Variants in CAMK4 observed in about 807,000 individuals in gnomAD.
CAMK4 encodes calcium/calmodulin-dependent protein kinase type IV.
Under a neutral mutation model 44.9 loss-of-function variants are expected in CAMK4, and 22 were observed. That is an observed-to-expected ratio of 0.49 (90% CI 0.35 to 0.70). The LOEUF (loss-of-function observed/expected upper bound fraction) is 0.70, where lower values mean the gene tolerates loss of function less well. Among genes scored for constraint, CAMK4 ranks in the 30% least tolerant of loss-of-function variants. The pLI, the probability that CAMK4 is intolerant of heterozygous loss-of-function variation, is 0.01. For synonymous variants in CAMK4, 218 were observed against 215.4 expected, an observed-to-expected ratio of 1.01 and a Z score of -0.11; for missense variants, 498 against 586.8, an observed-to-expected ratio of 0.85 and a Z score of 1.56.
chr5:111,338,411 G>T (rs1037030275), intron 1 of CAMK4, among the ~76,000 whole-genome samples: 2 of 151,228 alleles, frequency 1.3e-5, no homozygotes, highest in African/African-American at 4.8e-5. Context: ...GTTGTAGGTT[G>T]TCTGTTAACT....
rs1755668775 is a variant in CAMK4 at position 111,487,407 on chromosome 5, CTG to C, written c.*2943_*2944del. ...TTGGAATCCAGTATTTTTTCTCAAA[CTG>C]TAATTTCACTTGTCCCAGGACACAT... On this transcript the variant is annotated 3_prime_UTR_variant, in exon 11 of 11. Transcript: ENST00000282356. 1 of 152,042 alleles carries C rather than the reference CTG, an allele frequency of 6.6e-6. No individual in the cohort carries two copies. The highest frequency in any genetic ancestry group is 6.6e-5 in the Admixed American group (1 of 15,254). The allele number at this position is 152,042 out of a possible 1,614,324, so 9.4% of individuals were successfully genotyped here. A position where few individuals can be genotyped will look rare whatever the true frequency, so the allele number is the denominator to read the frequency against.
chr5:111,288,600 T>C (rs1751326400), intron 1 of CAMK4, among the ~76,000 whole-genome samples: 1 of 152,332 alleles, frequency 6.6e-6, no homozygotes, highest in Admixed American at 6.5e-5. Context: ...CATTTGCCTA[T>C]TTTTCTATTA....
At chr5:111,293,815 C>T (rs1277467931) in intron 1 of CAMK4, among the ~76,000 whole-genome samples, 7 of 141,286 alleles carry the variant, frequency 5.0e-5, no homozygotes, top group African/African-American at 1.9e-4. Context: ...GGCACGATCT[C>T]GGCTCACTGC....
At chr5:111,466,172 G>A (rs897169508) in intron 7 of CAMK4, among the ~76,000 whole-genome samples, 1 of 152,098 alleles carries the variant, frequency 6.6e-6, no homozygotes, top group African/African-American at 2.4e-5. Context: ...AAAACCATCA[G>A]CAAAATCAGC....
intron 1 of CAMK4, among the ~76,000 whole-genome samples, chr5:111,225,490 C>G (rs1748145862): frequency 6.6e-6 from 1 of 151,938 alleles, no homozygotes; most frequent in Admixed American, 6.6e-5. Flanking sequence ...TCTCTGTTAT[C>G]CATAGGTAAG....
intron 2 of CAMK4, among the ~76,000 whole-genome samples, chr5:111,367,400 A>C (rs1750832493): frequency 6.6e-6 from 1 of 152,008 alleles, no homozygotes; most frequent in Non-Finnish European, 1.5e-5. Flanking sequence ...CTTAATACTG[A>C]TACAATGGCA....
In CAMK4 at chr5:111,224,894, G is replaced by A. The variant is rs908267018; in HGVS notation, c.161+250G>A. ...CTCCCACCTTCCCTCCTTCTCGCAGGCTGCCACTTCCCTTGGGTGACAGCT... is the reference window on the plus strand; with the variant it reads ...CTCCCACCTTCCCTCCTTCTCGCAGACTGCCACTTCCCTTGGGTGACAGCT... On this transcript the variant is annotated intron_variant, in intron 1 of 10. Transcript: ENST00000282356. The surrounding 1 kb of genome is among the most constrained non-coding windows in gnomAD (Gnocchi z 5.7). 2.0e-5 allele frequency among the ~76,000 whole-genome samples: 3 copies of A among 147,920 alleles called. No homozygotes were observed. Among genetic ancestry groups the A allele is most frequent in the Admixed American group, 6.8e-5 (1 of 14,802 alleles).
intron 1 of CAMK4, among the ~76,000 whole-genome samples, chr5:111,292,273 T>C (rs1235404680): frequency 1.3e-5 from 2 of 152,236 alleles, no homozygotes. Context: ...TATATTGTTA[T>C]CATGTTTAAA....
chr5:111,478,943 T>G (rs1488057197), intron 9 of CAMK4, among the ~76,000 whole-genome samples: 1 of 152,200 alleles, frequency 6.6e-6, no homozygotes, highest in Non-Finnish European at 1.5e-5. Flanking sequence ...AATGGCATGA[T>G]CATGGCTCAT....
In CAMK4 at chr5:111,357,057, A is replaced by G. The variant is rs116398300; in HGVS notation, c.240+12955A>G. ...TGCTGGTATGCCATCCACTCAAATTATGACATTTAACCCCTTAGTACTTTT... is the reference window on the plus strand; with the variant it reads ...TGCTGGTATGCCATCCACTCAAATTGTGACATTTAACCCCTTAGTACTTTT... On this transcript the variant is annotated intron_variant, in intron 2 of 10. Transcript: ENST00000282356. Among the ~76,000 whole-genome samples the G allele has an allele frequency of 5.5e-3, 831 of 152,206 alleles. 8 individuals carry two copies. Among genetic ancestry groups the G allele is most frequent in the African/African-American group, 0.019 (769 of 41,562 alleles).
chr5:111,484,496 A>G lies in CAMK4; in HGVS notation c.*30A>G, dbSNP rs1755546638. The stretch of plus-strand genomic sequence containing the variant: ...CTTCCTTCAGATCTGGAAGCCAAAC[A>G]CCGGCATTTTATGTACTTTGTCCTT... On this transcript the variant is annotated 3_prime_UTR_variant, in exon 11 of 11. Transcript: ENST00000282356. The surrounding 1 kb of genome is among the most constrained non-coding windows in gnomAD (Gnocchi z 5.3). 6 of 1,413,148 alleles carry G rather than the reference A, an allele frequency of 4.2e-6. No homozygotes were observed. Among genetic ancestry groups the G allele is most frequent in the African/African-American group, 1.4e-5 (1 of 70,068 alleles). The allele number at this position is 1,413,148 out of a possible 1,614,324, so 87.5% of individuals were successfully genotyped here.
chr5:111,463,286 GA>G (rs1207220006), intron 7 of CAMK4, among the ~76,000 whole-genome samples: 1 of 151,634 alleles, frequency 6.6e-6, no homozygotes, highest in Non-Finnish European at 1.5e-5. Context: ...AAATCAGCAA[GA>G]AAAAAAAGGG....
intron 4 of CAMK4, among the ~76,000 whole-genome samples, chr5:111,392,921 C>A (rs1751861311): frequency 1.3e-5 from 2 of 151,982 alleles, no homozygotes; most frequent in South Asian, 2.1e-4. Context: ...TATTACTGAC[C>A]CAGGAAGAGC....
intron 5 of CAMK4, among the ~76,000 whole-genome samples, chr5:111,436,239 G>A (rs1231970949): frequency 1.3e-5 from 2 of 152,144 alleles, no homozygotes; most frequent in East Asian, 1.9e-4. Context: ...TTAGAAATAC[G>A]TACTTAATAT....
intron 2 of CAMK4, among the ~76,000 whole-genome samples, chr5:111,354,036 A>G (rs1040167837): frequency 6.6e-6 from 1 of 152,132 alleles, no homozygotes; most frequent in Non-Finnish European, 1.5e-5. Context: ...TATTCACAAC[A>G]GCTAAGATGA....
intron 4 of CAMK4, among the ~76,000 whole-genome samples, chr5:111,380,935 G>C (rs1375286434): frequency 6.6e-6 from 1 of 152,078 alleles, no homozygotes; most frequent in Non-Finnish European, 1.5e-5. Context: ...TATTCACAAG[G>C]CTTTGCTCTT....
At chr5:111,226,867 C>G (rs530703958) in intron 1 of CAMK4, among the ~76,000 whole-genome samples, 1 of 152,156 alleles carries the variant, frequency 6.6e-6, no homozygotes, top group Non-Finnish European at 1.5e-5. Flanking sequence ...ACTTTCCCAC[C>G]ATCATAAAAG....
At position 111,397,923 on chromosome 5, in the gene CAMK4, G is replaced by T. The variant is rs80285096; in HGVS notation, c.459+3141G>T. Among the ~76,000 whole-genome samples the T allele has an allele frequency of 3.6e-3, 553 of 152,130 alleles. 6 individuals are homozygous for T. Among genetic ancestry groups the T allele is most frequent in the African/African-American group, 0.013 (535 of 41,502 alleles). On this transcript the variant is annotated intron_variant, in intron 5 of 10. Coordinates refer to ENST00000282356, the MANE Select transcript of CAMK4 (RefSeq NM_001744.6). ...TACTGACAAAACGTTATATCAAAAT[G>T]AAGTAATCTTCAAAATAATTGTTCT...
At chr5:111,309,052 TCTTG>T (rs1471787123) in intron 1 of CAMK4, among the ~76,000 whole-genome samples, 3 of 152,170 alleles carry the variant, frequency 2.0e-5, no homozygotes, top group Admixed American at 2.0e-4. Context: ...AAGACATGGT[TCTTG>T]GACCTGAGTA....
Sources: gnomAD v4.1 joint callset for allele counts (sites outside exome capture counted in the v4.1 genomes callset) on GRCh38, gnomAD v4.1.1 for gene constraint, Gnocchi (gnomAD v3.1) non-coding constraint, MANE v1.5 for transcripts, NCBI Gene and HGNC (gene_info 2026-07-23, HGNC 2026-07-21) for gene names.